CMKLR2: variants seen among roughly 807,000 people sequenced by gnomAD.
CMKLR2 encodes the protein chemerin chemokine-like receptor 2.
Under a neutral mutation model 23.0 loss-of-function variants are expected in CMKLR2, and 18 were observed. The ratio of observed to expected loss-of-function variants is 0.78; its 90% CI spans 0.54 to 1.16. CMKLR2 has a LOEUF of 1.16. Ranked by LOEUF, CMKLR2 falls within the 50% of genes most tolerant of loss-of-function variation. CMKLR2 has a pLI of 0.00. For missense variants in CMKLR2, 401 were observed against 412.7 expected (o/e 0.97, Z 0.25); for synonymous variants, 158 against 158.9 (o/e 0.99, Z 0.05).
chr2:206,213,690 GC>G (rs1457884799), upstream of CMKLR2: 2 of 152,162 alleles, frequency 1.3e-5, no homozygotes, highest in Admixed American at 1.3e-4. Context: ...GTCTGGGTAG[GC>G]TTTTGCTTAT....
intron 1 of CMKLR2, among the ~76,000 whole-genome samples, chr2:206,184,314 T>TA (rs1377287742): frequency 4.6e-5 from 7 of 151,594 alleles, no homozygotes; most frequent in Non-Finnish European, 2.9e-5. Context: ...TTTTTTTTTT[T>TA]AAGACAGGTT....
intron 1 of CMKLR2, among the ~76,000 whole-genome samples, chr2:206,205,951 G>A (rs1480431461): frequency 2.0e-5 from 3 of 151,882 alleles, no homozygotes; most frequent in Admixed American, 2.0e-4. Flanking sequence ...TGCCCGCCTC[G>A]GCCTCCTAAA....
At chr2:206,206,392 A>G (rs1330675090) in intron 1 of CMKLR2, among the ~76,000 whole-genome samples, 1 of 152,260 alleles carries the variant, frequency 6.6e-6, no homozygotes, top group African/African-American at 2.4e-5. Context: ...TGATAGAACA[A>G]ATAATTTATA....
intron 1 of CMKLR2, among the ~76,000 whole-genome samples, chr2:206,204,438 C>T (rs1689235420): frequency 2.6e-5 from 4 of 151,436 alleles, no homozygotes; most frequent in Admixed American, 2.6e-4. Context: ...AAATATTTCA[C>T]ATGACTTACA....
intron 1 of CMKLR2, among the ~76,000 whole-genome samples, chr2:206,190,420 T>C (rs963423747): frequency 6.6e-6 from 1 of 152,142 alleles, no homozygotes; most frequent in African/African-American, 2.4e-5. Flanking sequence ...GTTTGCAAGA[T>C]GGTTTGGAAA....
At chr2:206,189,882 C>G (rs760199997) in intron 1 of CMKLR2, among the ~76,000 whole-genome samples, 1 of 152,058 alleles carries the variant, frequency 6.6e-6, no homozygotes, top group Admixed American at 6.6e-5. Context: ...TATACTACAC[C>G]CCAGAATGTA....
upstream of CMKLR2, among the ~76,000 whole-genome samples, chr2:206,214,484 G>A (rs941193539): frequency 6.6e-6 from 1 of 151,962 alleles, no homozygotes; most frequent in African/African-American, 2.4e-5. Context: ...GGCAGATGTG[G>A]GCACATCTGT....
At chr2:206,198,590 T>G (rs1688992100) in intron 1 of CMKLR2, among the ~76,000 whole-genome samples, 1 of 152,108 alleles carries the variant, frequency 6.6e-6, no homozygotes, top group African/African-American at 2.4e-5. Context: ...TAAATGGTTT[T>G]TTGCACATTG....
In CMKLR2 at chr2:206,176,370, G is replaced by C. The variant is rs142324185; in HGVS notation, c.878C>G (p.Ala293Gly). The change falls in exon 2 of 2, where the codon GCA (alanine) becomes GGA (glycine). Residue 293 changes from alanine to glycine, a missense_variant. Transcript: ENST00000621141. ...GGGGTTCAAGCAACTATTGAGGAAT[G>C]CCAAACCAGTGGAGAGGGGGATTCC... ...QAGIPLSTGL[A>G]FLNSCLNPIL... The C allele has an allele frequency of 3.7e-4, 598 of 1,614,136 alleles. 2 individuals are homozygous for C. The African/African-American group carries it at 7.2e-3, about 19-fold the overall frequency.
chr2:206,196,310 G>T (rs1311710487), intron 1 of CMKLR2, among the ~76,000 whole-genome samples: 1 of 152,124 alleles, frequency 6.6e-6, no homozygotes, highest in East Asian at 1.9e-4. Context: ...GGAGGCACAG[G>T]TTGCAGTGAG....
intron 1 of CMKLR2, chr2:206,203,534 C>A (rs1002559314): frequency 1.3e-5 from 2 of 152,164 alleles, no homozygotes; most frequent in Non-Finnish European, 2.9e-5. Context: ...AGCTTCCGGT[C>A]TGGTGAACAC....
intron 1 of CMKLR2, among the ~76,000 whole-genome samples, chr2:206,186,812 CAG>C (rs1688594532): frequency 8.1e-6 from 1 of 123,364 alleles, no homozygotes; most frequent in Non-Finnish European, 1.7e-5. Context: ...TTTTTTAAGA[CAG>C]GGGTTTTGCT....
chr2:206,181,339 T>C (rs1012887443), intron 1 of CMKLR2, among the ~76,000 whole-genome samples: 4 of 151,376 alleles, frequency 2.6e-5, no homozygotes, highest in Admixed American at 2.6e-4. Flanking sequence ...GGATTACAGG[T>C]GTGAGCCACC....
At position 206,176,098 on chromosome 2, in the gene CMKLR2, C is replaced by T; in HGVS notation, c.*82G>A. The stretch of plus-strand genomic sequence containing the variant: ...TATGAAAGTGGAGTCGGCTCTCTAT[C>T]TTGGAAACAATTTTAATCTGAAAGC... On this transcript the variant is annotated 3_prime_UTR_variant, in exon 2 of 2. Coordinates refer to ENST00000621141, the MANE Select transcript of CMKLR2 (RefSeq NM_001389445.1). The T allele has an allele frequency of 1.9e-6, 2 of 1,037,982 alleles. No homozygotes were observed. Among genetic ancestry groups the T allele is most frequent in the Non-Finnish European group, 1.4e-6 (1 of 717,734 alleles). 64.3% of individuals were successfully genotyped at this position (1,037,982 alleles called of 1,614,324 possible). A position where few individuals can be genotyped will look rare whatever the true frequency, so the allele number is the denominator to read the frequency against.
intron 1 of CMKLR2, among the ~76,000 whole-genome samples, chr2:206,205,429 C>G (rs963111309): frequency 3.3e-5 from 5 of 152,142 alleles, no homozygotes; most frequent in Non-Finnish European, 5.9e-5. Flanking sequence ...CTAGCACAAT[C>G]ATAGCTCACT....
Position 206,185,753 on chromosome 2 carries a change from G to A in CMKLR2, c.-28-8478C>T, listed in dbSNP as rs565761955. On this transcript the variant is annotated intron_variant, in intron 1 of 1. Transcript: ENST00000621141. ...GCTTGGATTAGGTGGTAGCAGTGAA[G>A]GTGATGGGAAATGATTAGATTCTAG... 5.9e-5 allele frequency among the ~76,000 whole-genome samples: 9 copies of A among 152,240 alleles called. No homozygotes were observed. The East Asian group carries it at 1.7e-3, about 29-fold the overall frequency.
chr2:206,199,981 C>G (rs1258163594), intron 1 of CMKLR2, among the ~76,000 whole-genome samples: 2 of 152,166 alleles, frequency 1.3e-5, no homozygotes, highest in Non-Finnish European at 2.9e-5. Flanking sequence ...TAAATTGCTT[C>G]TGGACATGAA....
upstream of CMKLR2, among the ~76,000 whole-genome samples, chr2:206,214,362 C>T (rs1446724426): frequency 6.6e-6 from 1 of 151,668 alleles, no homozygotes; most frequent in Non-Finnish European, 1.5e-5. Flanking sequence ...TTATTAGAGA[C>T]GGGGTTTCAC....
upstream of CMKLR2, among the ~76,000 whole-genome samples, chr2:206,214,456 G>C (rs983505556): frequency 6.6e-6 from 1 of 151,904 alleles, no homozygotes; most frequent in Admixed American, 6.6e-5. Context: ...TTTATCCCTG[G>C]TCACCATTTG....
Sources: allele counts gnomAD v4.1 joint callset (sites outside exome capture counted in the v4.1 genomes callset), GRCh38; gene constraint gnomAD v4.1.1; transcripts MANE v1.5; gene names NCBI Gene and HGNC (gene_info 2026-07-23, HGNC 2026-07-21).